Variants in MOB3B observed in about 807,000 individuals in gnomAD.
MOB3B encodes MOB kinase activator 3B.
MOB3B carries 7 observed loss-of-function variants against 18.7 expected under a neutral mutation model. That is an observed-to-expected ratio of 0.37 (90% CI 0.21 to 0.70). The LOEUF is 0.70. Among genes scored for constraint, MOB3B ranks in the 30% least tolerant of loss-of-function variants. The pLI, the probability that MOB3B is intolerant of heterozygous loss-of-function variation, is 0.52. For missense variants in MOB3B, 253 were observed against 281.3 expected, an observed-to-expected ratio of 0.90 and a Z score of 0.72; for synonymous variants, 111 against 99.9, an observed-to-expected ratio of 1.11 and a Z score of -0.66.
At chr9:27,445,534 C>T (rs965584146) in intron 2 of MOB3B, among the ~76,000 whole-genome samples, 1 of 152,214 alleles carries the variant, frequency 6.6e-6, no homozygotes, top group Admixed American at 6.5e-5. Context: ...TCACATTTCT[C>T]TTCAAAAACA....
intron 2 of MOB3B, among the ~76,000 whole-genome samples, chr9:27,436,010 T>TCACACATC (rs1469004513): frequency 2.6e-5 from 4 of 152,176 alleles, no homozygotes; most frequent in African/African-American, 9.6e-5. Flanking sequence ...CTTCTTTTAG[T>TCACACATC]CCTTCAGGGA....
At chr9:27,483,412 G>A (rs1020622491) in intron 1 of MOB3B, among the ~76,000 whole-genome samples, 1 of 152,096 alleles carries the variant, frequency 6.6e-6, no homozygotes, top group East Asian at 1.9e-4. Context: ...GATTACAGGC[G>A]TGAGCCACCG....
chr9:27,360,448 T>C (rs1340186374), intron 2 of MOB3B, among the ~76,000 whole-genome samples: 1 of 152,186 alleles, frequency 6.6e-6, no homozygotes, highest in Admixed American at 6.5e-5. Flanking sequence ...GAGGTTGCAG[T>C]GAGCCAAGAT....
At position 27,359,141 on chromosome 9, in the gene MOB3B, G is replaced by A. The variant is rs779174669; in HGVS notation, c.514C>T (p.Arg172Trp). The A allele has an allele frequency of 1.9e-5, 30 of 1,613,992 alleles. 1 individual carries two copies. The South Asian group carries it at 1.9e-4, about 10-fold the overall frequency. ...FVHVYIHHFD[R>W]VIVMGAEAHV... ...GCCTCTGCACCCATCACAATGACCC[G>A]GTCGAAGTGGTGGATATAGACGTGG... Residue 172 changes from arginine to tryptophan, a missense_variant, in exon 3 of 4, where the codon CGG becomes TGG. Transcript: ENST00000262244.
chr9:27,395,911 A>G (rs1821790735), intron 2 of MOB3B, among the ~76,000 whole-genome samples: 1 of 152,202 alleles, frequency 6.6e-6, no homozygotes, highest in African/African-American at 2.4e-5. Context: ...ATGCTTTTAA[A>G]GCACTCAGCA....
intron 2 of MOB3B, among the ~76,000 whole-genome samples, chr9:27,440,958 A>T (rs1587216389): frequency 6.6e-6 from 1 of 152,260 alleles, no homozygotes; most frequent in East Asian, 1.9e-4. Flanking sequence ...GTTCCACCTC[A>T]GATCGTCAGG....
intron 1 of MOB3B, among the ~76,000 whole-genome samples, chr9:27,514,345 CAA>C (rs34526085): frequency 0.012 from 896 of 77,624 alleles, 4 homozygotes; most frequent in African/African-American, 0.028. Context: ...ACCACAAGCT[CAA>C]AAAAAAAAAA....
At chr9:27,380,560 A>G (rs988647959) in intron 2 of MOB3B, among the ~76,000 whole-genome samples, 5 of 152,142 alleles carry the variant, frequency 3.3e-5, no homozygotes, top group Admixed American at 1.3e-4. Flanking sequence ...TCCATACTAT[A>G]AGGGCTGAAG....
At chr9:27,529,516 T>G (rs1233761244) in intron 1 of MOB3B, 39 bp downstream of exon 1, 3 of 980,752 alleles carry the variant, frequency 3.1e-6, no homozygotes, top group Non-Finnish European at 3.6e-6. Flanking sequence ...GCCACCGGGC[T>G]GCGCCGCCTC....
intron 2 of MOB3B, among the ~76,000 whole-genome samples, chr9:27,394,602 T>G (rs1411585171): frequency 1.3e-5 from 2 of 152,164 alleles, no homozygotes; most frequent in African/African-American, 4.8e-5. Flanking sequence ...AAAATGCCAG[T>G]GAGTAGGCAG....
intron 1 of MOB3B, among the ~76,000 whole-genome samples, chr9:27,463,242 T>C (rs181238279): frequency 3.8e-4 from 58 of 152,280 alleles, no homozygotes; most frequent in African/African-American, 1.3e-3. Flanking sequence ...ATTAAGGACT[T>C]CCTATTTATT....
At chr9:27,526,453 T>C (rs1157973358) in intron 1 of MOB3B, 2 of 152,252 alleles carry the variant, frequency 1.3e-5, no homozygotes, top group Non-Finnish European at 2.9e-5. Context: ...ACTTGCTATT[T>C]TTCATGACTT....
chr9:27,403,519 T>A (rs1166597831), intron 2 of MOB3B, among the ~76,000 whole-genome samples: 4 of 24,678 alleles, frequency 1.6e-4, no homozygotes, highest in Non-Finnish European at 3.0e-4. Flanking sequence ...TTTACTAATT[T>A]TTTTTTTTTT....
chr9:27,341,780 C>G (rs1352710133), intron 3 of MOB3B, among the ~76,000 whole-genome samples: 1 of 152,094 alleles, frequency 6.6e-6, no homozygotes, highest in Admixed American at 6.6e-5. Context: ...TAGTGACTTG[C>G]CCAAGGTTAC....
At chr9:27,339,564 G>A (rs939042776) in intron 3 of MOB3B, among the ~76,000 whole-genome samples, 2 of 152,176 alleles carry the variant, frequency 1.3e-5, no homozygotes, top group Non-Finnish European at 2.9e-5. Context: ...CTCAATGCTG[G>A]ACATCATTTC....
At chr9:27,352,825 A>C (rs1431612949) in intron 3 of MOB3B, among the ~76,000 whole-genome samples, 1 of 152,258 alleles carries the variant, frequency 6.6e-6, no homozygotes. Context: ...AGCCAAATGC[A>C]GTTAAATTGG....
At chr9:27,492,307 T>C (rs1819831139) in intron 1 of MOB3B, among the ~76,000 whole-genome samples, 1 of 152,196 alleles carries the variant, frequency 6.6e-6, no homozygotes, top group African/African-American at 2.4e-5. Context: ...TGTCACAATT[T>C]TCCTTTAATT....
chr9:27,345,130 T>C (rs2131343062), intron 3 of MOB3B, among the ~76,000 whole-genome samples: 1 of 152,296 alleles, frequency 6.6e-6, no homozygotes, highest in Middle Eastern at 3.4e-3. Context: ...TCTTGTCGTC[T>C]TCACTGAAAT....
chr9:27,485,656 T>A (rs1022770531), intron 1 of MOB3B, among the ~76,000 whole-genome samples: 1 of 152,182 alleles, frequency 6.6e-6, no homozygotes, highest in African/African-American at 2.4e-5. Flanking sequence ...CTCTCTACCC[T>A]CATGGAAAAT....
Sources: allele counts gnomAD v4.1 joint callset (sites outside exome capture counted in the v4.1 genomes callset), GRCh38; gene constraint gnomAD v4.1.1; transcripts MANE v1.5; gene names NCBI Gene and HGNC (gene_info 2026-07-23, HGNC 2026-07-21).